The following GRIN2B variants were observed in gnomAD, a reference collection of about 807,000 sequenced individuals.
The protein encoded by GRIN2B is glutamate ionotropic receptor NMDA type subunit 2B.
Under a neutral mutation model 114.5 loss-of-function variants are expected in GRIN2B, and 5 were observed. That is an observed-to-expected ratio of 0.04 (90% CI 0.02 to 0.09). The LOEUF (loss-of-function observed/expected upper bound fraction) is 0.09. Among genes scored for constraint, GRIN2B ranks in the 10% least tolerant of loss-of-function variants. GRIN2B has a pLI of 1.00. For synonymous variants in GRIN2B, 787 were observed against 745.1 expected (o/e 1.06, Z -0.92); for missense variants, 1,108 against 1,943.5 (o/e 0.57, Z 8.08).
intron 3 of GRIN2B, among the ~76,000 whole-genome samples, chr12:13,763,412 T>C (rs1187107682): frequency 6.6e-6 from 1 of 152,140 alleles, no homozygotes; most frequent in East Asian, 1.9e-4. Flanking sequence ...CACTTCCTCA[T>C]GTTCTGATTT....
At chr12:13,787,882 T>C (rs894757710) in intron 3 of GRIN2B, among the ~76,000 whole-genome samples, 1 of 152,118 alleles carries the variant, frequency 6.6e-6, no homozygotes, top group Non-Finnish European at 1.5e-5. Flanking sequence ...CCAAAAGCAT[T>C]CTCCCATTGA....
intron 5 of GRIN2B, among the ~76,000 whole-genome samples, chr12:13,625,177 A>G (rs996286897): frequency 2.0e-5 from 3 of 152,248 alleles, no homozygotes; most frequent in Non-Finnish European, 1.5e-5. Flanking sequence ...CCCAAGGCTC[A>G]TTGACGGACC....
intron 5 of GRIN2B, among the ~76,000 whole-genome samples, chr12:13,655,071 T>C (rs1000174885): frequency 1.3e-5 from 2 of 152,148 alleles, no homozygotes; most frequent in African/African-American, 4.8e-5. Context: ...AGTAATTCCC[T>C]GAGTTGGGCC....
intron 5 of GRIN2B, among the ~76,000 whole-genome samples, chr12:13,671,298 AC>A: frequency 6.6e-6 from 1 of 152,216 alleles, no homozygotes; most frequent in African/African-American, 2.4e-5. Flanking sequence ...CTTATGTAAA[AC>A]CCTATGTTAC....
intron 10 of GRIN2B, among the ~76,000 whole-genome samples, chr12:13,592,993 C>A (rs528404880): frequency 1.3e-5 from 2 of 152,124 alleles, no homozygotes; most frequent in African/African-American, 4.8e-5. Context: ...TCATGAAGGC[C>A]CAGTTTACAG....
chr12:13,573,876 C>T (rs558483093), intron 10 of GRIN2B, among the ~76,000 whole-genome samples: 26 of 152,244 alleles, frequency 1.7e-4, no homozygotes, highest in African/African-American at 5.5e-4. Flanking sequence ...AGAGTCATGC[C>T]GTGGTGTTAG....
At chr12:13,617,999 C>A (rs906493643) in intron 5 of GRIN2B, among the ~76,000 whole-genome samples, 4 of 152,200 alleles carry the variant, frequency 2.6e-5, no homozygotes, top group African/African-American at 9.7e-5. Flanking sequence ...TTGGCTGATG[C>A]TGGTTGGTTT....
At chr12:13,928,324 A>T (rs561480340) in intron 2 of GRIN2B, among the ~76,000 whole-genome samples, 23 of 151,918 alleles carry the variant, frequency 1.5e-4, no homozygotes, top group African/African-American at 4.6e-4. Context: ...AAAAAGAAAT[A>T]ATGAATTTGA....
At chr12:13,719,661 T>C (rs140491265) in intron 4 of GRIN2B, among the ~76,000 whole-genome samples, 37 of 152,210 alleles carry the variant, frequency 2.4e-4, no homozygotes, top group African/African-American at 8.9e-4. Context: ...AAAATGTAGA[T>C]ATCAAATTCA....
intron 2 of GRIN2B, among the ~76,000 whole-genome samples, chr12:13,901,064 A>AT (rs1319142142): frequency 3.9e-5 from 6 of 152,068 alleles, no homozygotes; most frequent in African/African-American, 1.4e-4. Context: ...ACGCCAAACA[A>AT]TTTTTTCAAA....
intron 2 of GRIN2B, among the ~76,000 whole-genome samples, chr12:13,951,666 G>T (rs1237682322): frequency 6.6e-6 from 1 of 152,104 alleles, no homozygotes; most frequent in Non-Finnish European, 1.5e-5. Context: ...CACTGTATTT[G>T]CTTCCATCAC....
chr12:13,660,278 T>C (rs1355205004), intron 5 of GRIN2B, among the ~76,000 whole-genome samples: 1 of 152,170 alleles, frequency 6.6e-6, no homozygotes, highest in Non-Finnish European at 1.5e-5. Context: ...GGGGTCATCT[T>C]AGCGGCTGCC....
At chr12:13,606,759 G>C (rs533929866) in intron 10 of GRIN2B, among the ~76,000 whole-genome samples, 1 of 152,092 alleles carries the variant, frequency 6.6e-6, no homozygotes, top group Admixed American at 6.6e-5. Context: ...TCAGATTTTA[G>C]TTAGGGTCGT....
At chr12:13,881,668 T>G (rs371854862) in intron 2 of GRIN2B, among the ~76,000 whole-genome samples, 83 of 152,394 alleles carry the variant, frequency 5.4e-4, no homozygotes, top group African/African-American at 1.9e-3. Context: ...TTTTCTCTAC[T>G]TTAGCACCGA....
At chr12:13,929,940 CTT>C (rs1242957044) in intron 2 of GRIN2B, among the ~76,000 whole-genome samples, 1 of 152,128 alleles carries the variant, frequency 6.6e-6, no homozygotes, top group Non-Finnish European at 1.5e-5. Context: ...AATCTCAGCA[CTT>C]TGGGAGGCTG....
intron 3 of GRIN2B, among the ~76,000 whole-genome samples, chr12:13,817,536 A>G (rs1864849552): frequency 6.6e-6 from 1 of 152,228 alleles, no homozygotes; most frequent in African/African-American, 2.4e-5. Flanking sequence ...ATTCTAGCAC[A>G]TGTGGAATGC....
At position 13,963,774 on chromosome 12, in the gene GRIN2B, T is replaced by A. The variant is rs1310127403; in HGVS notation, c.-19+16154A>T. On this transcript the variant is annotated intron_variant, in intron 2 of 13. Coordinates refer to ENST00000609686, the MANE Select transcript of GRIN2B (RefSeq NM_000834.5). ...TAGGGCTCCCATCTTTACTTCTAGA[T>A]GTTGAATATTCAAGATCTAGGCTTG... is the stretch of plus-strand genomic sequence containing the variant. 2.6e-5 allele frequency among the ~76,000 whole-genome samples: 4 copies of A among 152,166 alleles called. No individual in the cohort carries two copies. The East Asian group carries it at 7.7e-4, about 29-fold the overall frequency.
chr12:13,667,939 A>T (rs1949992708), intron 5 of GRIN2B, among the ~76,000 whole-genome samples: 1 of 152,168 alleles, frequency 6.6e-6, no homozygotes, highest in Non-Finnish European at 1.5e-5. Context: ...ACCTAGATAT[A>T]AACATAGAAT....
At position 13,658,206 on chromosome 12, in the gene GRIN2B, T is replaced by TA. The variant is rs745942688; in HGVS notation, c.1125+17538dup. 6.4e-3 allele frequency among the ~76,000 whole-genome samples: 857 copies of TA among 133,156 alleles called. 4 individuals carry two copies. Among genetic ancestry groups the TA allele is most frequent in the Non-Finnish European group, 7.5e-3 (462 of 61,506 alleles). 87.4% of individuals were successfully genotyped at this position (133,156 alleles called of 152,430 possible). ...TGGGCAACAAGAGCAAAACTCCATC[T>TA]AAAAAAAAAAAAAGCTAAAAAGCCA... On this transcript the variant is annotated intron_variant, in intron 5 of 13. Transcript: ENST00000609686.
Sources: gnomAD v4.1 joint callset for allele counts (sites outside exome capture counted in the v4.1 genomes callset) on GRCh38, gnomAD v4.1.1 for gene constraint, MANE v1.5 for transcripts, NCBI Gene and HGNC (gene_info 2026-07-23, HGNC 2026-07-21) for gene names.